The following CHRM3 variants were observed in gnomAD, a reference collection of about 807,000 sequenced individuals.
The protein encoded by CHRM3 is muscarinic acetylcholine receptor M3.
CHRM3 carries 11 observed loss-of-function variants against 41.8 expected under a neutral mutation model. The ratio of observed to expected loss-of-function variants is 0.26; its 90% confidence interval spans 0.17 to 0.44. The LOEUF (loss-of-function observed/expected upper bound fraction) is 0.44. Ranked by LOEUF, CHRM3 falls within the 20% of genes least tolerant of loss-of-function variation. The pLI is 1.00. For synonymous variants in CHRM3, 297 were observed against 301.4 expected (o/e 0.99, Z 0.15); for missense variants, 571 against 745.4 (o/e 0.77, Z 2.72).
chr1:239,512,033 T>C (rs1668956879), intron 2 of CHRM3, among the ~76,000 whole-genome samples: 1 of 151,928 alleles, frequency 6.6e-6, no homozygotes, highest in South Asian at 2.1e-4. Context: ...TAGATGAGGG[T>C]TTAGACTAAG....
chr1:239,864,550 A>G (rs1273459426), intron 6 of CHRM3, among the ~76,000 whole-genome samples: 1 of 124,296 alleles, frequency 8.0e-6, no homozygotes, highest in Non-Finnish European at 1.7e-5. Context: ...ACACACGCAC[A>G]CACACACACA....
chr1:239,831,742 A>G (rs568664777), intron 6 of CHRM3, among the ~76,000 whole-genome samples: 11 of 152,254 alleles, frequency 7.2e-5, no homozygotes, highest in African/African-American at 2.6e-4. Flanking sequence ...TATAAGTGCC[A>G]TGTGGGAGGG....
intron 5 of CHRM3, chr1:239,706,241 T>C (rs936655695): frequency 3.3e-5 from 5 of 151,030 alleles, no homozygotes; most frequent in Admixed American, 6.6e-5. Flanking sequence ...TATTATTACA[T>C]TCTAAATATT....
chr1:239,621,203 A>C (rs944136535), intron 3 of CHRM3, among the ~76,000 whole-genome samples: 5 of 152,188 alleles, frequency 3.3e-5, no homozygotes, highest in Non-Finnish European at 7.3e-5. Flanking sequence ...TAAAATAGCA[A>C]GCTTAATTGA....
At chr1:239,898,824 C>A (rs1344974990) in intron 6 of CHRM3, among the ~76,000 whole-genome samples, 2 of 152,154 alleles carry the variant, frequency 1.3e-5, no homozygotes, top group Admixed American at 1.3e-4. Flanking sequence ...GTATTTCACA[C>A]TGGATATTTA....
intron 6 of CHRM3, among the ~76,000 whole-genome samples, chr1:239,878,743 C>A (rs1240139977): frequency 6.6e-6 from 1 of 152,042 alleles, no homozygotes; most frequent in African/African-American, 2.4e-5. Flanking sequence ...CAGGCTTCTG[C>A]CCTCAGATGA....
chr1:239,690,018 CAGAG>C (rs1385161267), intron 5 of CHRM3, among the ~76,000 whole-genome samples: 1 of 150,790 alleles, frequency 6.6e-6, no homozygotes, highest in African/African-American at 2.4e-5. Context: ...GACACTAAAA[CAGAG>C]AGAGAGAGAC....
At position 239,877,065 on chromosome 1, in the gene CHRM3, A is replaced by T. The variant is rs774710770; in HGVS notation, c.-19-30368A>T. Among the ~76,000 whole-genome samples, 135 of 152,330 alleles carry T rather than the reference A, an allele frequency of 8.9e-4. No individual in the cohort carries two copies. The Middle Eastern group carries it at 0.017, about 19-fold the overall frequency. ...TACAGAAAATAAGCAAATTTAGGTT[A>T]AAAATGCCCCATCTCTCTCTTTTTC... On this transcript the variant is annotated intron_variant, in intron 6 of 6. Transcript: ENST00000676153.
intron 5 of CHRM3, among the ~76,000 whole-genome samples, chr1:239,688,689 A>G (rs62634805): frequency 0.031 from 4,092 of 134,116 alleles, 92 homozygotes; most frequent in Admixed American, 0.054. Flanking sequence ...TATGCAATAT[A>G]ATATATAATA....
chr1:239,627,848 T>C (rs1371306412), intron 3 of CHRM3, among the ~76,000 whole-genome samples: 1 of 151,504 alleles, frequency 6.6e-6, no homozygotes, highest in Non-Finnish European at 1.5e-5. Flanking sequence ...TCTTCTGGCT[T>C]GTAAGGTTTC....
chr1:239,663,801 C>T (rs183847987), intron 4 of CHRM3, among the ~76,000 whole-genome samples: 3 of 152,280 alleles, frequency 2.0e-5, no homozygotes, highest in African/African-American at 7.2e-5. Context: ...GGCCTTACCT[C>T]AGGCCTCCTG....
At chr1:239,666,264 GGCTC>G (rs1673793375) in intron 4 of CHRM3, among the ~76,000 whole-genome samples, 3 of 151,306 alleles carry the variant, frequency 2.0e-5, no homozygotes, top group Admixed American at 6.6e-5. Flanking sequence ...GCTTGATCTT[GGCTC>G]ACTGTAACCT....
chr1:239,575,560 G>T (rs1662253392), intron 3 of CHRM3, among the ~76,000 whole-genome samples: 1 of 151,840 alleles, frequency 6.6e-6, no homozygotes, highest in African/African-American at 2.4e-5. Context: ...AGTTTTTTTG[G>T]GTTCTGTGCT....
In CHRM3 at chr1:239,878,703, G is replaced by A. The variant is rs78059025; in HGVS notation, c.-19-28730G>A. Among the ~76,000 whole-genome samples, 836 of 151,882 alleles carry A rather than the reference G, an allele frequency of 5.5e-3. 8 individuals carry two copies. The highest frequency in any genetic ancestry group is 0.01 in the Middle Eastern group (3 of 292). ...CTGACTCTGGGCCAGGTAGCTTGTCGGACATGAGGGCAAAGGGGATGATTA... is the reference window on the plus strand; with the variant it reads ...CTGACTCTGGGCCAGGTAGCTTGTCAGACATGAGGGCAAAGGGGATGATTA... On this transcript the variant is annotated intron_variant, in intron 6 of 6. Transcript: ENST00000676153.
chr1:239,400,818 T>C (rs1294658850), intron 1 of CHRM3, among the ~76,000 whole-genome samples: 1 of 152,134 alleles, frequency 6.6e-6, no homozygotes, highest in Non-Finnish European at 1.5e-5. Flanking sequence ...GTGTGTGTGT[T>C]TTTATGCCAG....
rs57653333 is a variant in CHRM3 at position 239,442,146 on chromosome 1, G to GTT, written c.-520-50553_-520-50552dup. On this transcript the variant is annotated intron_variant, in intron 1 of 6. Coordinates refer to ENST00000676153, the MANE Select transcript of CHRM3 (RefSeq NM_001375978.1). ...TAAAGACAGTTTAAATATACGTTAG[G>GTT]TTTTTTTTTTTGAGATAGTTTTAAT... Among the ~76,000 whole-genome samples, 244 of 149,376 alleles carry GTT rather than the reference G, an allele frequency of 1.6e-3. 2 individuals are homozygous for GTT. The South Asian group carries it at 0.024, about 15-fold the overall frequency.
intron 2 of CHRM3, among the ~76,000 whole-genome samples, chr1:239,543,512 TA>T (rs1344895870): frequency 2.7e-5 from 4 of 149,868 alleles, no homozygotes. Context: ...CGATTTATTT[TA>T]TTTTTTTTTT....
intron 6 of CHRM3, among the ~76,000 whole-genome samples, chr1:239,905,731 A>G (rs891000087): frequency 2.0e-5 from 3 of 152,178 alleles, no homozygotes; most frequent in Non-Finnish European, 4.4e-5. Flanking sequence ...GATAATGCAT[A>G]TGATGCATTT....
chr1:239,576,073 G>A (rs1000091263), intron 3 of CHRM3, among the ~76,000 whole-genome samples: 3 of 152,020 alleles, frequency 2.0e-5, no homozygotes, highest in African/African-American at 7.2e-5. Context: ...GTAGTATTTG[G>A]CCTTTTGCAG....
Sources: allele counts gnomAD v4.1 joint callset (sites outside exome capture counted in the v4.1 genomes callset), GRCh38; gene constraint gnomAD v4.1.1; transcripts MANE v1.5; gene names NCBI Gene and HGNC (gene_info 2026-07-23, HGNC 2026-07-21).